The following EEF1AKMT2 variants were observed in gnomAD, a reference collection of about 807,000 sequenced individuals.
The protein encoded by EEF1AKMT2 is eukaryotic translation elongation factor 1 alpha lysine methyltransferase 2.
A neutral mutation model predicts 35.8 loss-of-function variants in EEF1AKMT2; 32 were observed. The observed-to-expected ratio is 0.89, with a 90% CI of 0.67 to 1.20. The LOEUF is 1.20. Ranked by LOEUF, EEF1AKMT2 falls within the 50% of genes most tolerant of loss-of-function variation. The probability of loss-of-function intolerance (pLI) is 0.00; values close to 1 mark genes in which losing one functional copy is unlikely to be tolerated. For missense variants in EEF1AKMT2, 330 were observed against 347.5 expected (o/e 0.95, Z 0.40); for synonymous variants, 121 against 133.7 (o/e 0.91, Z 0.65).
intron 3 of EEF1AKMT2, chr10:124,782,915 AGTTAAAG>A: frequency 2.5e-6 from 1 of 407,226 alleles, no homozygotes; most frequent in African/African-American, 2.1e-5. Flanking sequence ...TAAATACACC[AGTTAAAG>A]GTTAGAGATT....
At chr10:124,787,806 T>C (rs985534097) in intron 3 of EEF1AKMT2, among the ~76,000 whole-genome samples, 1 of 152,122 alleles carries the variant, frequency 6.6e-6, no homozygotes, top group African/African-American at 2.4e-5. Flanking sequence ...AGTTCTATAA[T>C]ATTTTACATC....
At chr10:124,765,342 T>C (rs1410608853) in intron 5 of EEF1AKMT2, 50 bp downstream of exon 5, 3 of 1,465,234 alleles carry the variant, frequency 2.0e-6, no homozygotes, top group Non-Finnish European at 2.8e-6. Flanking sequence ...CCTATTTAAG[T>C]ACATGAAACC....
intron 3 of EEF1AKMT2, among the ~76,000 whole-genome samples, chr10:124,779,944 T>C (rs1950526561): frequency 6.6e-6 from 1 of 151,232 alleles, no homozygotes; most frequent in Admixed American, 6.6e-5. Context: ...GCACATGTAG[T>C]CCCAGCTACT....
At chr10:124,782,195 A>C (rs902482488) in intron 3 of EEF1AKMT2, among the ~76,000 whole-genome samples, 1 of 152,208 alleles carries the variant, frequency 6.6e-6, no homozygotes, top group Non-Finnish European at 1.5e-5. Flanking sequence ...GAAAAAGAGA[A>C]GAATAAAAAA....
intron 3 of EEF1AKMT2, among the ~76,000 whole-genome samples, chr10:124,782,581 C>CAAAA (rs34882125): frequency 6.4e-5 from 4 of 62,402 alleles, no homozygotes; most frequent in Non-Finnish European, 8.6e-5. Flanking sequence ...GACTCCGTCT[C>CAAAA]AAAAAAAAAA....
chr10:124,756,950 A>G (rs1268427664), downstream of EEF1AKMT2, among the ~76,000 whole-genome samples: 1 of 152,174 alleles, frequency 6.6e-6, no homozygotes, highest in Non-Finnish European at 1.5e-5. Context: ...TGTTAATAAA[A>G]CATGCTGATG....
chr10:124,768,430 GA>G (rs1333327787), intron 4 of EEF1AKMT2, among the ~76,000 whole-genome samples: 3 of 152,102 alleles, frequency 2.0e-5, no homozygotes, highest in Admixed American at 6.5e-5. Flanking sequence ...CCAACATGTT[GA>G]AACCCGGTCT....
In EEF1AKMT2 at chr10:124,762,441, C is replaced by A; in HGVS notation, c.734G>T (p.Trp245Leu). Residue 245 changes from tryptophan (W) to leucine (L), a missense_variant, in exon 6 of 7, where the codon TGG becomes TTG. Trp to Leu is a moderately conservative substitution (Grantham distance 61). Coordinates refer to ENST00000368836, the MANE Select transcript of EEF1AKMT2 (RefSeq NM_212554.4). ...GGTTGTHHHAWIIFVFLAETR... is the reference protein window; with the variant it reads ...GGTTGTHHHALIIFVFLAETR... Reference sequence around the variant, plus strand: ...CTCTGCTAAAAATACAAAAATTATCCAGGCATGATGATGTGTGCCTGTAGT... The same window carrying A: ...CTCTGCTAAAAATACAAAAATTATCAAGGCATGATGATGTGTGCCTGTAGT... 1 of 1,300,790 alleles carries A rather than the reference C, an allele frequency of 7.7e-7. No individual in the cohort carries two copies. The highest frequency in any genetic ancestry group is 1.2e-5 in the South Asian group (1 of 80,654). 80.6% of individuals were successfully genotyped at this position (1,300,790 alleles called of 1,614,324 possible). A position where few individuals can be genotyped will look rare whatever the true frequency, so the allele number is the denominator to read the frequency against.
chr10:124,790,622 G>T (rs1466533347), intron 1 of EEF1AKMT2, among the ~76,000 whole-genome samples: 1 of 152,110 alleles, frequency 6.6e-6, no homozygotes, highest in East Asian at 1.9e-4. Context: ...ATTTGTCCAC[G>T]TATCCCTAAG....
At chr10:124,777,704 GT>G (rs898795541) in intron 3 of EEF1AKMT2, among the ~76,000 whole-genome samples, 9 of 149,884 alleles carry the variant, frequency 6.0e-5, no homozygotes, top group African/African-American at 2.2e-4. Context: ...TTTGTTTTTT[GT>G]TTTTTTTTGT....
intron 6 of EEF1AKMT2, 132 bp downstream of exon 6, chr10:124,762,168 A>AC: frequency 6.2e-6 from 4 of 647,670 alleles, no homozygotes; most frequent in Non-Finnish European, 8.2e-6. Context: ...CCAATGCGCC[A>AC]CCCCACGCCA....
At chr10:124,761,234 T>G (rs1564898979) in intron 6 of EEF1AKMT2, among the ~76,000 whole-genome samples, 2 of 152,192 alleles carry the variant, frequency 1.3e-5, no homozygotes, top group African/African-American at 2.4e-5. Flanking sequence ...ATCTAATTAA[T>G]TCACACCACA....
At chr10:124,767,062 G>C (rs1481107515) in intron 4 of EEF1AKMT2, among the ~76,000 whole-genome samples, 1 of 150,814 alleles carries the variant, frequency 6.6e-6, no homozygotes, top group Non-Finnish European at 1.5e-5. Context: ...TCGGCAGGCT[G>C]AGGCAGGAGA....
Position 124,758,834 on chromosome 10 carries a change from T to C in EEF1AKMT2, c.*1669A>G, listed in dbSNP as rs1950307307. On this transcript the variant is annotated 3_prime_UTR_variant, in exon 7 of 7. Coordinates refer to ENST00000368836, the MANE Select transcript of EEF1AKMT2 (RefSeq NM_212554.4). The stretch of plus-strand genomic sequence containing the variant: ...TCTTGGTAAAATCAACACAATCTTC[T>C]AAAAAATTTAAATTGCATATATTTT... 2 of 152,218 alleles carry C rather than the reference T, an allele frequency of 1.3e-5. No individual in the cohort carries two copies. The highest frequency in any genetic ancestry group is 2.9e-5 in the Non-Finnish European group (2 of 68,030). The allele number at this position is 152,218 out of a possible 1,614,324, so 9.4% of individuals were successfully genotyped here.
intron 4 of EEF1AKMT2, among the ~76,000 whole-genome samples, chr10:124,768,023 T>A (rs755113678): frequency 6.6e-6 from 1 of 152,160 alleles, no homozygotes; most frequent in Non-Finnish European, 1.5e-5. Flanking sequence ...AAGTTTTCTC[T>A]AAGGTGTTAT....
At chr10:124,784,233 T>C (rs1777397749) in intron 3 of EEF1AKMT2, among the ~76,000 whole-genome samples, 1 of 152,044 alleles carries the variant, frequency 6.6e-6, no homozygotes, top group African/African-American at 2.4e-5. Context: ...ACAAATCATA[T>C]AAGGCATGTT....
chr10:124,764,739 C>T (rs1246071793), intron 5 of EEF1AKMT2, among the ~76,000 whole-genome samples: 5 of 152,176 alleles, frequency 3.3e-5, no homozygotes, highest in Admixed American at 6.5e-5. Flanking sequence ...AAACTCTCAG[C>T]ATGTAAGACG....
At position 124,789,107 on chromosome 10, in the gene EEF1AKMT2, T is replaced by C. The variant is rs1262625069; in HGVS notation, c.227A>G (p.Lys76Arg). 1.9e-6 allele frequency: 3 copies of C among 1,613,854 alleles called. No homozygotes were observed. The highest frequency in any genetic ancestry group is 2.5e-6 in the Non-Finnish European group (3 of 1,179,900). Residue 76 changes from lysine to arginine, a missense_variant, in exon 3 of 7, where the codon AAG becomes AGG. Lys to Arg is a conservative substitution (Grantham distance 26). Transcript: ENST00000368836. ...NRLIRWMQKHKIPLDASVLDI... is the reference protein window; with the variant it reads ...NRLIRWMQKHRIPLDASVLDI... ...AAGCACTGAAGCATCCAGTGGAATC[T>C]TGTGTTTCTGCATCCACCTTATTAG...
intron 4 of EEF1AKMT2, among the ~76,000 whole-genome samples, chr10:124,774,198 T>C (rs1950465220): frequency 6.6e-6 from 1 of 151,320 alleles, no homozygotes; most frequent in African/African-American, 2.4e-5. Context: ...AAACCCCATC[T>C]CTACTAAAAA....
Sources: gnomAD v4.1 joint callset for allele counts (sites outside exome capture counted in the v4.1 genomes callset) on GRCh38, gnomAD v4.1.1 for gene constraint, MANE v1.5 for transcripts, NCBI Gene and HGNC (gene_info 2026-07-23, HGNC 2026-07-21) for gene names.